OPCML: variants seen among roughly 807,000 people sequenced by gnomAD.
OPCML encodes opioid binding protein/cell adhesion molecule like.
OPCML carries 13 observed loss-of-function variants against 37.8 expected under a neutral mutation model. That is an observed-to-expected ratio of 0.34 (90% CI 0.22 to 0.55). The LOEUF (loss-of-function observed/expected upper bound fraction) is 0.55. Among genes scored for constraint, OPCML ranks in the 20% least tolerant of loss-of-function variants. The pLI is 0.91. For synonymous variants in OPCML, 176 were observed against 168.8 expected (o/e 1.04, Z -0.33); for missense variants, 341 against 435.6 (o/e 0.78, Z 1.93).
At chr11:132,879,596 T>TA (rs1943149497) in intron 2 of OPCML, among the ~76,000 whole-genome samples, 1 of 152,180 alleles carries the variant, frequency 6.6e-6, no homozygotes, top group African/African-American at 2.4e-5. Flanking sequence ...ATTTTTGTGA[T>TA]AAAAATATGA....
intron 2 of OPCML, among the ~76,000 whole-genome samples, chr11:132,847,670 G>A (rs1941610924): frequency 6.6e-6 from 1 of 152,168 alleles, no homozygotes; most frequent in Non-Finnish European, 1.5e-5. Flanking sequence ...CACTAAAAAT[G>A]CTGTCTTTTG....
chr11:133,445,356 T>C (rs1330732668), intron 1 of OPCML, among the ~76,000 whole-genome samples: 1 of 152,220 alleles, frequency 6.6e-6, no homozygotes, highest in Non-Finnish European at 1.5e-5. Flanking sequence ...GCTTATGCCA[T>C]GCCATAAGCT....
At chr11:133,073,285 C>G (rs565456509) in intron 1 of OPCML, among the ~76,000 whole-genome samples, 1 of 152,186 alleles carries the variant, frequency 6.6e-6, no homozygotes, top group Admixed American at 6.5e-5. Context: ...GAGGGGCTCT[C>G]GGTTTGCACC....
At chr11:132,906,835 C>A (rs1214901199) in intron 2 of OPCML, among the ~76,000 whole-genome samples, 1 of 152,192 alleles carries the variant, frequency 6.6e-6, no homozygotes, top group Admixed American at 6.5e-5. Context: ...TTGGTTGAAA[C>A]CCAAATCCCT....
chr11:132,980,125 TCAC>T (rs776000907), intron 1 of OPCML, among the ~76,000 whole-genome samples: 9 of 152,176 alleles, frequency 5.9e-5, no homozygotes, highest in Non-Finnish European at 1.0e-4. Flanking sequence ...AAATGTATAT[TCAC>T]CAACTTGATG....
At chr11:133,308,195 C>G (rs1942974596) in intron 1 of OPCML, among the ~76,000 whole-genome samples, 1 of 152,084 alleles carries the variant, frequency 6.6e-6, no homozygotes, top group African/African-American at 2.4e-5. Flanking sequence ...GAACAAAAAT[C>G]ACCAGCAATA....
At chr11:133,483,117 G>T (rs1288972089) in intron 1 of OPCML, among the ~76,000 whole-genome samples, 1 of 151,998 alleles carries the variant, frequency 6.6e-6, no homozygotes, top group Non-Finnish European at 1.5e-5. Flanking sequence ...ATTTTAAGAG[G>T]AGAAAAAACA....
In OPCML at chr11:132,744,944, A is replaced by G. The variant is rs184383131; in HGVS notation, c.147-87625T>C. Reference sequence around the variant, plus strand: ...CGGGATATGGCAGAGCAGGCAGCTCATCAAGGAAGTGAACGAGCTCCTAAA... The same window carrying G: ...CGGGATATGGCAGAGCAGGCAGCTCGTCAAGGAAGTGAACGAGCTCCTAAA... On this transcript the variant is annotated intron_variant, in intron 2 of 7. Transcript: ENST00000524381. 1.1e-4 allele frequency among the ~76,000 whole-genome samples: 16 copies of G among 151,976 alleles called. No individual in the cohort carries two copies. In the East Asian group the frequency reaches 3.1e-3, roughly 30 times the overall value.
intron 1 of OPCML, among the ~76,000 whole-genome samples, chr11:133,040,392 T>G (rs961172319): frequency 1.3e-5 from 2 of 152,188 alleles, no homozygotes; most frequent in Admixed American, 6.5e-5. Context: ...TCATTTCCTG[T>G]TGCTTTTAGT....
rs889188431 is a variant in OPCML at position 132,763,097 on chromosome 11, T to G, written c.147-105778A>C. Among the ~76,000 whole-genome samples, 11 of 152,128 alleles carry G rather than the reference T, an allele frequency of 7.2e-5. No individual in the cohort carries two copies. The East Asian group carries it at 2.1e-3, about 30-fold the overall frequency. On this transcript the variant is annotated intron_variant, in intron 2 of 7. Transcript: ENST00000524381. ...TCCCTGAACCCTTGTGCTTCCCGGG[T>G]GAGGCGACACCCTACCCTGCTTCTG...
At chr11:132,782,061 C>T (rs913832879) in intron 2 of OPCML, among the ~76,000 whole-genome samples, 2 of 151,052 alleles carry the variant, frequency 1.3e-5, no homozygotes, top group African/African-American at 4.9e-5. Flanking sequence ...TCTGCAGCCC[C>T]TCTCTTCCAC....
At chr11:133,360,314 T>G (rs1002789805) in intron 1 of OPCML, 2 of 152,244 alleles carry the variant, frequency 1.3e-5, no homozygotes, top group African/African-American at 4.8e-5. Context: ...TAATTATCCC[T>G]ACATAATTCT....
chr11:132,776,373 G>A (rs1032005012), intron 2 of OPCML, among the ~76,000 whole-genome samples: 1 of 152,174 alleles, frequency 6.6e-6, no homozygotes, highest in Non-Finnish European at 1.5e-5. Context: ...CTGTAGCTGT[G>A]ATATGGTTTG....
chr11:133,079,328 C>G (rs1262942755), intron 1 of OPCML, among the ~76,000 whole-genome samples: 1 of 152,180 alleles, frequency 6.6e-6, no homozygotes, highest in Non-Finnish European at 1.5e-5. Flanking sequence ...TCCGGAGGTG[C>G]TCAAGGCCAG....
chr11:133,013,920 C>A (rs1026808465), intron 1 of OPCML, among the ~76,000 whole-genome samples: 2 of 152,208 alleles, frequency 1.3e-5, no homozygotes, highest in South Asian at 4.1e-4. Context: ...GAAGCAGATG[C>A]ACGACAGCTC....
At chr11:132,676,366 G>A (rs925069382) in intron 2 of OPCML, among the ~76,000 whole-genome samples, 2 of 151,870 alleles carry the variant, frequency 1.3e-5, no homozygotes, top group Admixed American at 6.6e-5. Flanking sequence ...CTTTGGGACT[G>A]GATTAAGCAA....
intron 1 of OPCML, among the ~76,000 whole-genome samples, chr11:132,967,298 T>TG (rs1387092745): frequency 6.6e-6 from 1 of 152,102 alleles, no homozygotes; most frequent in Non-Finnish European, 1.5e-5. Flanking sequence ...TATAGCTTTA[T>TG]GCCCTTTTCC....
intron 2 of OPCML, among the ~76,000 whole-genome samples, chr11:132,831,290 A>G (rs1940669949): frequency 1.3e-5 from 2 of 150,600 alleles, no homozygotes; most frequent in African/African-American, 4.9e-5. Context: ...TTGTGTTTCA[A>G]TGCTCATTTA....
chr11:132,636,649 G>A (rs1184397199), intron 3 of OPCML, among the ~76,000 whole-genome samples: 2 of 152,188 alleles, frequency 1.3e-5, no homozygotes, highest in Non-Finnish European at 2.9e-5. Flanking sequence ...TGAGTGGAGA[G>A]GAAAAATCTC....
Sources: gnomAD v4.1 joint callset for allele counts (sites outside exome capture counted in the v4.1 genomes callset) on GRCh38, gnomAD v4.1.1 for gene constraint, MANE v1.5 for transcripts, NCBI Gene and HGNC (gene_info 2026-07-23, HGNC 2026-07-21) for gene names.